Variants in HTR3A observed in about 807,000 individuals in gnomAD.
HTR3A encodes 5-hydroxytryptamine receptor 3A.
A neutral mutation model predicts 54.8 loss-of-function variants in HTR3A; 45 were observed. The ratio of observed to expected loss-of-function variants is 0.82; its 90% CI spans 0.65 to 1.05. HTR3A has a LOEUF of 1.05. Among genes scored for constraint, HTR3A ranks in the 50% least tolerant of loss-of-function variants. The probability of loss-of-function intolerance (pLI) is 0.00; values close to 1 mark genes in which losing one functional copy is unlikely to be tolerated. For missense variants in HTR3A, 657 were observed against 614.0 expected (o/e 1.07, Z -0.74); for synonymous variants, 297 against 256.0 (o/e 1.16, Z -1.53).
chr11:113,983,153 C>A lies in HTR3A; in HGVS notation c.408C>A (p.Tyr136Ter), dbSNP rs150595107. ...TGGGGAAGTCTCCAAATATCCCGTA[C>A]GTGTATATTCGGCATCAAGGCGAAG... The part of the protein sequence containing the change: ...VDVGKSPNIP[Y>*]VYIRHQGEVQ... The change falls in exon 5 of 9, where the codon TAC becomes TAA. Residue 136 changes from tyrosine (Y) to a stop codon, truncating the protein, a stop_gained. Coordinates refer to ENST00000504030, the MANE Select transcript of HTR3A (RefSeq NM_000869.6). LOFTEE classifies it high-confidence loss of function. The A allele has an allele frequency of 1.9e-6, 3 of 1,614,100 alleles. No homozygotes were observed. The African/African-American group carries it at 4.0e-5, about 22-fold the overall frequency.
chr11:113,986,312 A>C (rs1227163821), intron 6 of HTR3A, 137 bp downstream of exon 6: 1 of 1,199,572 alleles, frequency 8.3e-7, no homozygotes, highest in African/African-American at 1.5e-5. Context: ...AGTGAAGTAG[A>C]TGGAGAAACT....
intron 8 of HTR3A, 145 bp downstream of exon 8, chr11:113,987,191 C>A: frequency 2.4e-6 from 2 of 826,624 alleles, no homozygotes; most frequent in Admixed American, 2.0e-5. Flanking sequence ...GTGGGGGCAG[C>A]CTTCAGCCAA....
At chr11:113,979,174 G>T in intron 2 of HTR3A, 59 bp from the exon 3 acceptor site, 4 of 1,309,298 alleles carry the variant, frequency 3.1e-6, no homozygotes, top group Non-Finnish European at 3.3e-6. Flanking sequence ...GGGCTGGCAT[G>T]TGCAGGGTGG....
At chr11:113,978,296 A>C (rs1950379127) in intron 2 of HTR3A, among the ~76,000 whole-genome samples, 1 of 152,098 alleles carries the variant, frequency 6.6e-6, no homozygotes, top group Non-Finnish European at 1.5e-5. Flanking sequence ...TCACTAAATG[A>C]TTGTTGAAGA....
At chr11:113,980,664 C>T (rs554954384) in intron 3 of HTR3A, among the ~76,000 whole-genome samples, 230 of 152,266 alleles carry the variant, frequency 1.5e-3, no homozygotes, top group African/African-American at 2.1e-3. Flanking sequence ...AGAGGGATAG[C>T]GGAGGTCAGA....
chr11:113,986,729 G>T lies in HTR3A; in HGVS notation c.916+1G>T, dbSNP rs1338753230. On this transcript the variant is annotated splice_donor_variant, in intron 7 of 8. Transcript: ENST00000504030. LOFTEE classifies it high-confidence loss of function. Reference sequence around the variant, plus strand: ...ACTGCCATCGGCACTCCTCTCATTGGTAAGGCCCCTCCTGGCAGCAGAGCT... The same window carrying T: ...ACTGCCATCGGCACTCCTCTCATTGTTAAGGCCCCTCCTGGCAGCAGAGCT... 19 of 1,614,012 alleles carry T rather than the reference G, an allele frequency of 1.2e-5. No homozygotes were observed. Among genetic ancestry groups the T allele is most frequent in the Non-Finnish European group, 1.6e-5 (19 of 1,180,042 alleles).
Position 113,975,388 on chromosome 11 carries a change from A to G in HTR3A, c.63A>G (p.Gly21=). Residue 21 remains glycine (G), a synonymous_variant, in exon 1 of 9, where the codon GGA becomes GGG. Transcript: ENST00000504030. ...ALLLPTLLAQ[G]EARRSRNTTR... is the part of the protein sequence containing the mutation. Reference sequence around the variant, plus strand: ...TCCTCCCCACACTCCTGGCACAGGGAGAAGGTAAGCAGACTTCGGGAAGCA... The same window carrying G: ...TCCTCCCCACACTCCTGGCACAGGGGGAAGGTAAGCAGACTTCGGGAAGCA... 6.2e-7 allele frequency: 1 copy of G among 1,611,934 alleles called. No homozygotes were observed. Among genetic ancestry groups the G allele is most frequent in the South Asian group, 1.1e-5 (1 of 91,054 alleles).
chr11:113,975,585 G>A (rs1342141252), intron 1 of HTR3A, among the ~76,000 whole-genome samples, 193 bp downstream of exon 1: 1 of 152,214 alleles, frequency 6.6e-6, no homozygotes, highest in Non-Finnish European at 1.5e-5. Flanking sequence ...AGTTAGGAAT[G>A]TTGAGTCCTG....
In HTR3A at chr11:113,977,772, C is replaced by T; in HGVS notation, c.69C>T (p.Ala23=). 1 of 1,614,062 alleles carries T rather than the reference C, an allele frequency of 6.2e-7. No homozygotes were observed. Among genetic ancestry groups the T allele is most frequent in the Non-Finnish European group, 8.5e-7 (1 of 1,180,006 alleles). ...LLPTLLAQGE[A]RRSRNTTRPA... is the part of the protein sequence containing the mutation. The stretch of plus-strand genomic sequence containing the variant: ...ACTTTGAACTGTTCTCCTTCCCAGC[C>T]AGGAGGAGCCGAAACACCACCAGGC... Residue 23 remains alanine, a splice_region_variant and synonymous_variant, in exon 2 of 9, where the codon GCC becomes GCT. Transcript: ENST00000504030.
chr11:113,987,949 A>G (rs1343555046), intron 8 of HTR3A, among the ~76,000 whole-genome samples: 2 of 152,218 alleles, frequency 1.3e-5, no homozygotes. Context: ...ACATGATCAC[A>G]TGTAATACTC....
chr11:113,977,741 G>A (rs752916433), intron 1 of HTR3A, 30 bp from the exon 2 acceptor site: 2 of 1,611,886 alleles, frequency 1.2e-6, no homozygotes, highest in South Asian at 1.1e-5. Context: ...TGGGGGGCTG[G>A]TGTCTACTTT....
In HTR3A at chr11:113,986,866, T is replaced by C; in HGVS notation, c.958T>C (p.Leu320=). 6.2e-7 allele frequency: 1 copy of C among 1,614,090 alleles called. No homozygotes were observed. The highest frequency in any genetic ancestry group is 8.5e-7 in the Non-Finnish European group (1 of 1,180,028). ...VVCMALLVIS[L]AETIFIVRLV... ...GTGCATGGCTCTGCTGGTGATAAGT[T>C]TGGCCGAGACCATCTTCATTGTGCG... Residue 320 remains leucine, a synonymous_variant, in exon 8 of 9, where the codon TTG becomes CTG. Coordinates refer to ENST00000504030, the MANE Select transcript of HTR3A (RefSeq NM_000869.6).
chr11:113,978,413 G>C (rs1334297862), intron 2 of HTR3A, among the ~76,000 whole-genome samples: 1 of 152,180 alleles, frequency 6.6e-6, no homozygotes, highest in Non-Finnish European at 1.5e-5. Flanking sequence ...GATAAACAAG[G>C]AGGCAATTGC....
chr11:113,981,297 T>C lies in HTR3A; in HGVS notation c.359T>C (p.Ile120Thr), dbSNP rs770586926. 6.2e-6 allele frequency: 10 copies of C among 1,610,026 alleles called. No individual in the cohort carries two copies. Among genetic ancestry groups the C allele is most frequent in the African/African-American group, 1.3e-5 (1 of 74,840 alleles). ...ACGGACAGCATCTGGGTCCCGGACATTCTCATCAATGAGTTGTGAGTACCG... is the reference window on the plus strand; with the variant it reads ...ACGGACAGCATCTGGGTCCCGGACACTCTCATCAATGAGTTGTGAGTACCG... ...IPTDSIWVPD[I>T]LINEFVDVGK... is the part of the protein sequence containing the mutation. Residue 120 changes from isoleucine (I) to threonine (T), a missense_variant, in exon 4 of 9, where the codon ATT becomes ACT. Coordinates refer to ENST00000504030, the MANE Select transcript of HTR3A (RefSeq NM_000869.6).
At chr11:113,981,375 A>G (rs1390574363) in intron 4 of HTR3A, 63 bp downstream of exon 4, 4 of 957,916 alleles carry the variant, frequency 4.2e-6, no homozygotes, top group Non-Finnish European at 6.8e-6. Context: ...GCCCGGGGAC[A>G]GAGAGACAAG....
Position 113,989,546 on chromosome 11 carries a change from C to A in HTR3A, c.1220C>A (p.Pro407Gln). ...SPRDRCSPPP[P>Q]PREASLAVCG... ...AGGGACAGATGTAGCCCTCCCCCAC[C>A]ACCTCGGGAGGCCTCGCTGGCGGTG... Residue 407 changes from proline to glutamine, a missense_variant, in exon 9 of 9, where the codon CCA (proline) becomes CAA (glutamine). Physicochemically the swap from Pro to Gln is moderately conservative, Grantham distance 76. Transcript: ENST00000504030. The surrounding 1 kb of genome is among the most constrained non-coding windows in gnomAD (Gnocchi z 4.4). 6.2e-7 allele frequency: 1 copy of A among 1,614,192 alleles called. No homozygotes were observed. The highest frequency in any genetic ancestry group is 8.5e-7 in the Non-Finnish European group (1 of 1,180,030).
chr11:113,989,468 TG>T lies in HTR3A; in HGVS notation c.1145del (p.Gly382GlufsTer78), dbSNP rs1473848002. ...QATKTDDCSA[M>X]GNHCSHMGGP... Reference sequence around the variant, plus strand: ...CAATGCCCTGCCCTTCTTCCAGCCATGGGAAACCACTGCAGCCACATGGGAG... The same window carrying T: ...CAATGCCCTGCCCTTCTTCCAGCCATGGAAACCACTGCAGCCACATGGGAG... On this transcript the variant is annotated frameshift_variant, in exon 9 of 9. Coordinates refer to ENST00000504030, the MANE Select transcript of HTR3A (RefSeq NM_000869.6). LOFTEE classifies it high-confidence loss of function. The surrounding 1 kb of genome is among the most constrained non-coding windows in gnomAD (Gnocchi z 4.4). The T allele has an allele frequency of 6.2e-7, 1 of 1,613,900 alleles. No individual in the cohort carries two copies. Among genetic ancestry groups the T allele is most frequent in the Non-Finnish European group, 8.5e-7 (1 of 1,180,014 alleles).
intron 3 of HTR3A, among the ~76,000 whole-genome samples, chr11:113,980,288 T>C (rs1950406165): frequency 6.6e-6 from 1 of 152,152 alleles, no homozygotes; most frequent in Non-Finnish European, 1.5e-5. Flanking sequence ...GCTAAGAGAC[T>C]GGAATTAGAG....
intron 3 of HTR3A, among the ~76,000 whole-genome samples, chr11:113,980,551 G>T (rs1229407434): frequency 6.6e-6 from 1 of 152,246 alleles, no homozygotes; most frequent in Non-Finnish European, 1.5e-5. Flanking sequence ...GAAGATAGGG[G>T]AGAGGGAGCA....
Sources: allele counts gnomAD v4.1 joint callset (sites outside exome capture counted in the v4.1 genomes callset), GRCh38; gene constraint gnomAD v4.1.1; non-coding constraint Gnocchi (gnomAD v3.1); transcripts MANE v1.5; gene names NCBI Gene and HGNC (gene_info 2026-07-23, HGNC 2026-07-21).